Variants in CAPN11 observed in about 807,000 individuals in gnomAD.
CAPN11 encodes calpain-11.
CAPN11 carries 108 observed loss-of-function variants against 105.3 expected under a neutral mutation model. The ratio of observed to expected loss-of-function variants is 1.03; its 90% CI spans 0.88 to 1.20. The LOEUF (loss-of-function observed/expected upper bound fraction) is 1.20, where lower values mean the gene tolerates loss of function less well. CAPN11 is among the 50% of genes most tolerant of loss of function. The probability of loss-of-function intolerance (pLI) is 0.00; values close to 1 mark genes in which losing one functional copy is unlikely to be tolerated. For missense variants in CAPN11, 883 were observed against 924.8 expected, an observed-to-expected ratio of 0.95 and a Z score of 0.59; for synonymous variants, 329 against 344.5, an observed-to-expected ratio of 0.96 and a Z score of 0.50.
At position 44,179,999 on chromosome 6, in the gene CAPN11, G is replaced by A. The variant is rs1193936940; in HGVS notation, c.1476G>A (p.Lys492=). The change falls in exon 14 of 23, where the codon AAG becomes AAA. Residue 492 remains lysine, a synonymous_variant. Transcript: ENST00000398776. ...ACTTGAAGAAGGAATTCTTCACGAAGTATCAGGACCACGGCTTCTCAGAGA... is the reference window on the plus strand; with the variant it reads ...ACTTGAAGAAGGAATTCTTCACGAAATATCAGGACCACGGCTTCTCAGAGA... The part of the protein sequence containing the change: ...DVHLKKEFFT[K]YQDHGFSEIF... 6.2e-7 allele frequency: 1 copy of A among 1,612,484 alleles called. No homozygotes were observed. Among genetic ancestry groups the A allele is most frequent in the Non-Finnish European group, 8.5e-7 (1 of 1,179,330 alleles).
At chr6:44,174,337 A>G (rs925145758) in intron 7 of CAPN11, among the ~76,000 whole-genome samples, 1 of 152,118 alleles carries the variant, frequency 6.6e-6, no homozygotes, top group Non-Finnish European at 1.5e-5. Flanking sequence ...AACTATTGAT[A>G]CTCAGAGAAA....
At chr6:44,165,062 T>C (rs1769569971) in intron 1 of CAPN11, among the ~76,000 whole-genome samples, 1 of 152,034 alleles carries the variant, frequency 6.6e-6, no homozygotes, top group Non-Finnish European at 1.5e-5. Flanking sequence ...CTAATTTTTG[T>C]ATTTTTAGTA....
intron 1 of CAPN11, among the ~76,000 whole-genome samples, chr6:44,165,906 G>A (rs1769747615): frequency 6.6e-6 from 1 of 152,160 alleles, no homozygotes; most frequent in Admixed American, 6.5e-5. Context: ...GTGATGAATT[G>A]GAGAGGGTCT....
In CAPN11 at chr6:44,183,041, G is replaced by A. The variant is rs778955590; in HGVS notation, c.2017+22G>A. 3.7e-6 allele frequency: 6 copies of A among 1,604,256 alleles called. No homozygotes were observed. The Admixed American group carries it at 1.0e-4, about 27-fold the overall frequency. ...GCAGGTGGCCAAGGGTCAGGAGTGG[G>A]CCTTGGGGCAGGGAAGAGGATGGCA... is the stretch of plus-strand genomic sequence containing the variant. On this transcript the variant is annotated intron_variant, in intron 20 of 22. Transcript: ENST00000398776.
chr6:44,182,764 G>C (rs1427582162), intron 19 of CAPN11, among the ~76,000 whole-genome samples, 177 bp from the exon 20 acceptor site: 1 of 152,106 alleles, frequency 6.6e-6, no homozygotes, highest in Non-Finnish European at 1.5e-5. Context: ...ATTAGAGACG[G>C]GGTTTCGTCA....
intron 12 of CAPN11, among the ~76,000 whole-genome samples, chr6:44,179,043 G>C (rs1772672619): frequency 6.6e-6 from 1 of 152,104 alleles, no homozygotes; most frequent in African/African-American, 2.4e-5. Context: ...TGTTTAACTT[G>C]GTTTAACTCA....
At chr6:44,164,630 A>C (rs1160783619) in intron 1 of CAPN11, among the ~76,000 whole-genome samples, 1 of 152,208 alleles carries the variant, frequency 6.6e-6, no homozygotes, top group Non-Finnish European at 1.5e-5. Flanking sequence ...GGCAGCATCA[A>C]GCAGGCACTG....
Position 44,177,302 on chromosome 6 carries a change from A to T in CAPN11, c.1298A>T (p.Asp433Val). The T allele has an allele frequency of 6.2e-7, 1 of 1,613,472 alleles. No individual in the cohort carries two copies. The highest frequency in any genetic ancestry group is 8.5e-7 in the Non-Finnish European group (1 of 1,179,700). ...CTTCCTGAGGGGGATGACCCAGAGG[A>T]TGACGCAGAGGGCAATGTTGTGGTC... The part of the protein sequence containing the change: ...ISLPEGDDPE[D>V]DAEGNVVVCT... The change falls in exon 12 of 23, where the codon GAT becomes GTT. Residue 433 changes from aspartate (D) to valine (V), a missense_variant. Physicochemically the swap from Asp to Val is radical, Grantham distance 152. Coordinates refer to ENST00000398776, the MANE Select transcript of CAPN11 (RefSeq NM_007058.4).
Position 44,172,390 on chromosome 6 carries a change from GA to G in CAPN11, c.503del (p.Asn168ThrfsTer17). On this transcript the variant is annotated frameshift_variant, in exon 5 of 23. Transcript: ENST00000398776. LOFTEE classifies it high-confidence loss of function. ...RVVPRGQSFK[K>X]NYAGIFHFQI... ...TGGTGCCCAGAGGACAGAGCTTCAAGAAAAACTATGCTGGCATCTTCCATTT... is the reference window on the plus strand; with the variant it reads ...TGGTGCCCAGAGGACAGAGCTTCAAGAAAACTATGCTGGCATCTTCCATTT... 1 of 1,558,666 alleles carries G rather than the reference GA, an allele frequency of 6.4e-7. No homozygotes were observed. The highest frequency in any genetic ancestry group is 8.7e-7 in the Non-Finnish European group (1 of 1,151,192).
chr6:44,176,832 C>T lies in CAPN11; in HGVS notation c.1077-6C>T. ...GCTGACGGGCTCCACCCCCACCCCACCACAGGATGTCCTACCAAGATTTCC... is the reference window on the plus strand; with the variant it reads ...GCTGACGGGCTCCACCCCCACCCCATCACAGGATGTCCTACCAAGATTTCC... On this transcript the variant is annotated splice_polypyrimidine_tract_variant and splice_region_variant and intron_variant, in intron 10 of 22. Coordinates refer to ENST00000398776, the MANE Select transcript of CAPN11 (RefSeq NM_007058.4). 6.2e-7 allele frequency: 1 copy of T among 1,613,650 alleles called. No individual in the cohort carries two copies. The highest frequency in any genetic ancestry group is 8.5e-7 in the Non-Finnish European group (1 of 1,179,742).
chr6:44,169,922 C>T lies in CAPN11; in HGVS notation c.356C>T (p.Pro119Leu). The T allele has an allele frequency of 1.2e-6, 2 of 1,611,914 alleles. No individual in the cohort carries two copies. The highest frequency in any genetic ancestry group is 1.1e-5 in the South Asian group (1 of 90,526). ...WQRPKDIINN[P>L]LFIMDGISPT... Reference sequence around the variant, plus strand: ...TCACTGCAGGATATCATAAACAACCCTCTATTCATCATGGATGGGATTTCT... The same window carrying T: ...TCACTGCAGGATATCATAAACAACCTTCTATTCATCATGGATGGGATTTCT... The change falls in exon 4 of 23, where the codon CCT (proline) becomes CTT (leucine). Residue 119 changes from proline to leucine, a missense_variant. Coordinates refer to ENST00000398776, the MANE Select transcript of CAPN11 (RefSeq NM_007058.4).
At chr6:44,167,703 A>G (rs1770193869) in intron 2 of CAPN11, among the ~76,000 whole-genome samples, 1 of 152,104 alleles carries the variant, frequency 6.6e-6, no homozygotes, top group Admixed American at 6.6e-5. Context: ...TGAACCCAGA[A>G]GTCCAAGACC....
At chr6:44,173,176 C>G (rs1474878235) in intron 6 of CAPN11, 42 bp from the exon 7 acceptor site, 1 of 1,608,620 alleles carries the variant, frequency 6.2e-7, no homozygotes, top group Non-Finnish European at 8.5e-7. Flanking sequence ...CCTCCCCTCA[C>G]CTCCATCCTA....
At chr6:44,177,638 C>A (rs1772345588) in intron 12 of CAPN11, 2 of 537,908 alleles carry the variant, frequency 3.7e-6, no homozygotes, top group Non-Finnish European at 6.6e-6. Flanking sequence ...AGACGTGCAC[C>A]ACCATGCCCA....
chr6:44,180,859 CT>C, intron 17 of CAPN11, 54 bp downstream of exon 17: 1 of 1,605,368 alleles, frequency 6.2e-7, no homozygotes, highest in South Asian at 1.1e-5. Flanking sequence ...TTGTGCCCCT[CT>C]TGATCACTCC....
rs779311925 is a variant in CAPN11 at position 44,173,065 on chromosome 6, G to A, written c.654G>A (p.Ala218=). 3.3e-5 allele frequency: 53 copies of A among 1,613,450 alleles called. No individual in the cohort carries two copies. The highest frequency in any genetic ancestry group is 4.3e-5 in the Non-Finnish European group (51 of 1,179,550). ...SEFWSALLEK[A]YAKLSGSYEA... ...TCTGGAGTGCCCTGCTGGAGAAGGC[G>A]TATGCCAAGTGAGTGCTGGGAGCTG... Residue 218 remains alanine, a synonymous_variant, in exon 6 of 23, where the codon GCG becomes GCA. Coordinates refer to ENST00000398776, the MANE Select transcript of CAPN11 (RefSeq NM_007058.4).
In CAPN11 at chr6:44,169,406, G is replaced by A. The variant is rs917444926; in HGVS notation, c.214G>A (p.Ala72Thr). ...GNQSFEELRA[A>T]CLRKGELFED... is the part of the protein sequence containing the mutation. ...CCAGAGCTTTGAGGAGCTGCGAGCA[G>A]CCTGTCTAAGAAAGGGGGAGCTCTT... is the stretch of plus-strand genomic sequence containing the variant. Residue 72 changes from alanine to threonine, a missense_variant, in exon 3 of 23, where the codon GCC (alanine) becomes ACC (threonine). Ala to Thr is a moderately conservative substitution (Grantham distance 58, BLOSUM62 0). Coordinates refer to ENST00000398776, the MANE Select transcript of CAPN11 (RefSeq NM_007058.4). 6.2e-7 allele frequency: 1 copy of A among 1,613,984 alleles called. No individual in the cohort carries two copies. The highest frequency in any genetic ancestry group is 1.1e-5 in the South Asian group (1 of 91,066).
rs769933683 is a variant in CAPN11 at position 44,166,849 on chromosome 6, G to A, written c.88+20G>A. 1.3e-5 allele frequency: 19 copies of A among 1,500,900 alleles called. No homozygotes were observed. Among genetic ancestry groups the A allele is most frequent in the African/African-American group, 8.4e-5 (6 of 71,604 alleles). 93.0% of individuals were successfully genotyped at this position (1,500,900 alleles called of 1,614,324 possible). A position where few individuals can be genotyped will look rare whatever the true frequency, so the allele number is the denominator to read the frequency against. On this transcript the variant is annotated intron_variant, in intron 2 of 22. Transcript: ENST00000398776. Reference sequence around the variant, plus strand: ...GTGCGGGTAGGACTGCAGACCCGTCGTGGCTCTGTGGCCTCCCTTTTTCTT... The same window carrying A: ...GTGCGGGTAGGACTGCAGACCCGTCATGGCTCTGTGGCCTCCCTTTTTCTT...
Position 44,183,696 on chromosome 6 carries a change from G to A in CAPN11, c.2135-9G>A. On this transcript the variant is annotated splice_polypyrimidine_tract_variant and intron_variant, in intron 21 of 22. Coordinates refer to ENST00000398776, the MANE Select transcript of CAPN11 (RefSeq NM_007058.4). ...TCAGCCCCTCTCCCCCGCTTCCTCT[G>A]TAACGCAGCATTCTTTCTAACCATG... is the stretch of plus-strand genomic sequence containing the variant. 6.2e-7 allele frequency: 1 copy of A among 1,613,662 alleles called. No individual in the cohort carries two copies. The highest frequency in any genetic ancestry group is 8.5e-7 in the Non-Finnish European group (1 of 1,179,738).
Sources: allele counts gnomAD v4.1 joint callset (sites outside exome capture counted in the v4.1 genomes callset), GRCh38; gene constraint gnomAD v4.1.1; transcripts MANE v1.5; gene names NCBI Gene and HGNC (gene_info 2026-07-23, HGNC 2026-07-21).